Variants in JMJD1C observed in about 807,000 individuals in gnomAD.
JMJD1C encodes the protein jumonji domain containing 1C, also known as jumonji domain-containing protein 1C.
Under a neutral mutation model 245.3 loss-of-function variants are expected in JMJD1C, and 31 were observed. That is an observed-to-expected ratio of 0.13 (90% CI 0.09 to 0.17). JMJD1C has a LOEUF of 0.17. Ranked by LOEUF, JMJD1C falls within the 10% of genes least tolerant of loss-of-function variation. The probability of loss-of-function intolerance (pLI) is 1.00; values close to 1 mark genes in which losing one functional copy is unlikely to be tolerated. For synonymous variants in JMJD1C, 1,057 were observed against 1,017.4 expected (o/e 1.04, Z -0.74); for missense variants, 2,691 against 3,000.2 (o/e 0.90, Z 2.41).
Position 63,211,820 on chromosome 10 carries a change from T to C in JMJD1C, c.2694+1653A>G, listed in dbSNP as rs530282234. The stretch of plus-strand genomic sequence containing the variant: ...GCTTGGGTGACAGAGCAAGACTCTG[T>C]CTCAAAAAAAAAAAAAAAAAAAAAA... On this transcript the variant is annotated intron_variant, in intron 8 of 25. Coordinates refer to ENST00000399262, the MANE Select transcript of JMJD1C (RefSeq NM_032776.3). Among the ~76,000 whole-genome samples, 6 of 83,862 alleles carry C rather than the reference T, an allele frequency of 7.2e-5. No homozygotes were observed. The South Asian group carries it at 2.3e-3, about 32-fold the overall frequency. The allele number at this position is 83,862 out of a possible 152,430, so 55.0% of individuals were successfully genotyped here. A position where few individuals can be genotyped will look rare whatever the true frequency, so the allele number is the denominator to read the frequency against.
rs1484780948 is a variant in JMJD1C at position 63,186,403 on chromosome 10, A to G, written c.6571-20T>C. On this transcript the variant is annotated intron_variant, in intron 18 of 25. Transcript: ENST00000399262. ...TGCAGGCTTATAAATAGATAAATAA[A>G]TAACAGTTAAAAGATATATAGACTT... 9 of 1,554,618 alleles carry G rather than the reference A, an allele frequency of 5.8e-6. No homozygotes were observed. The highest frequency in any genetic ancestry group is 2.8e-5 in the African/African-American group (2 of 72,286).
intron 17 of JMJD1C, among the ~76,000 whole-genome samples, 160 bp downstream of exon 17, chr10:63,190,734 C>T (rs141807603): frequency 6.2e-4 from 95 of 152,308 alleles, no homozygotes; most frequent in African/African-American, 2.1e-3. Flanking sequence ...AAAATGCCAG[C>T]TTTCAAGGTA....
At chr10:63,184,225 A>T in intron 21 of JMJD1C, among the ~76,000 whole-genome samples, 1 of 146,926 alleles carries the variant, frequency 6.8e-6, no homozygotes, top group East Asian at 2.0e-4. Context: ...CACCACGCCC[A>T]TCCTTGAACA....
intron 1 of JMJD1C, among the ~76,000 whole-genome samples, chr10:63,395,588 A>T (rs182987667): frequency 2.0e-5 from 3 of 152,362 alleles, no homozygotes; most frequent in Admixed American, 1.3e-4. Context: ...ACTTAAGAAA[A>T]GTAATTCCAT....
chr10:63,172,799 T>C (rs1228433651), intron 24 of JMJD1C, among the ~76,000 whole-genome samples: 1 of 149,184 alleles, frequency 6.7e-6, no homozygotes, highest in Non-Finnish European at 1.5e-5. Flanking sequence ...GCAAAAAAGA[T>C]TAAGAAGCAC....
At chr10:63,223,568 A>C (rs887068053) in intron 3 of JMJD1C, among the ~76,000 whole-genome samples, 2 of 152,104 alleles carry the variant, frequency 1.3e-5, no homozygotes, top group African/African-American at 4.8e-5. Flanking sequence ...CCGTGCAGAC[A>C]AGTACACCTT....
intron 24 of JMJD1C, among the ~76,000 whole-genome samples, chr10:63,172,434 A>G (rs911185318): frequency 6.6e-6 from 1 of 152,198 alleles, no homozygotes; most frequent in South Asian, 2.1e-4. Context: ...GTGCAAAAAC[A>G]TGTTGTTACT....
At chr10:63,385,137 G>GAACACT in intron 1 of JMJD1C, among the ~76,000 whole-genome samples, 1 of 152,234 alleles carries the variant, frequency 6.6e-6, no homozygotes, top group East Asian at 1.9e-4. Context: ...CTGGTTAGTG[G>GAACACT]AGCAGTCAGA....
chr10:63,472,622 G>A (rs1461945310), intron 1 of JMJD1C, among the ~76,000 whole-genome samples: 4 of 152,052 alleles, frequency 2.6e-5, no homozygotes, highest in African/African-American at 9.7e-5. Context: ...ATGAGCCACT[G>A]CGCCCCGCCC....
intron 2 of JMJD1C, among the ~76,000 whole-genome samples, chr10:63,322,905 A>G (rs1405307291): frequency 6.6e-6 from 1 of 151,426 alleles, no homozygotes; most frequent in African/African-American, 2.4e-5. Context: ...TAATGTAATT[A>G]ATATATATTG....
intron 2 of JMJD1C, among the ~76,000 whole-genome samples, chr10:63,279,246 G>C (rs950064096): frequency 1.3e-5 from 2 of 152,044 alleles, no homozygotes; most frequent in Non-Finnish European, 2.9e-5. Context: ...CAAAAACGTG[G>C]TCTCGAAACA....
chr10:63,495,667 G>A (rs1474703132), intron 1 of JMJD1C, among the ~76,000 whole-genome samples: 1 of 151,590 alleles, frequency 6.6e-6, no homozygotes, highest in East Asian at 1.9e-4. Context: ...CAGCTACGTG[G>A]GAGGCTGAGA....
chr10:63,318,099 A>C (rs912759298), intron 2 of JMJD1C, among the ~76,000 whole-genome samples: 9 of 152,102 alleles, frequency 5.9e-5, no homozygotes, highest in African/African-American at 1.9e-4. Flanking sequence ...CCTCTGCCTC[A>C]AGTTCAGGTA....
chr10:63,484,550 T>G (rs1371498888), intron 1 of JMJD1C, among the ~76,000 whole-genome samples: 1 of 152,048 alleles, frequency 6.6e-6, no homozygotes, highest in Non-Finnish European at 1.5e-5. Context: ...GTAGCTGAAC[T>G]TGAGATTTTG....
rs1857427144 is a variant in JMJD1C, at chr10:63,281,712, T to A, written c.334-16948A>T. Among the ~76,000 whole-genome samples the A allele has an allele frequency of 2.0e-5, 3 of 151,444 alleles. No individual in the cohort carries two copies. In the South Asian group the frequency reaches 6.3e-4, roughly 32 times the overall value. ...GTCTCGATCTCCTGACCTCGTGATC[T>A]ACCACCTCGGCCTTCCAAAGTGCTG... On this transcript the variant is annotated intron_variant, in intron 2 of 25. Coordinates refer to ENST00000399262, the MANE Select transcript of JMJD1C (RefSeq NM_032776.3).
At chr10:63,399,719 C>A (rs1403971832) in intron 1 of JMJD1C, among the ~76,000 whole-genome samples, 1 of 151,454 alleles carries the variant, frequency 6.6e-6, no homozygotes, top group Non-Finnish European at 1.5e-5. Flanking sequence ...AAAATAGTTT[C>A]TTCCTATGGT....
chr10:63,520,672 A>C (rs1372276063), intron 1 of JMJD1C, among the ~76,000 whole-genome samples: 1 of 152,184 alleles, frequency 6.6e-6, no homozygotes, highest in Non-Finnish European at 1.5e-5. Context: ...CCCAGCCTTT[A>C]CTTTGAACAT....
intron 2 of JMJD1C, among the ~76,000 whole-genome samples, chr10:63,365,579 T>C (rs1000648207): frequency 1.3e-5 from 2 of 152,106 alleles, no homozygotes; most frequent in Admixed American, 1.3e-4. Context: ...GATTCAATAA[T>C]TGGCAAGGTA....
At chr10:63,250,455 G>A (rs373237098) in intron 3 of JMJD1C, among the ~76,000 whole-genome samples, 2 of 152,046 alleles carry the variant, frequency 1.3e-5, no homozygotes, top group African/African-American at 4.8e-5. Context: ...GCTGGTAGTG[G>A]GTATCACTAA....
Sources: allele counts gnomAD v4.1 joint callset (sites outside exome capture counted in the v4.1 genomes callset), GRCh38; gene constraint gnomAD v4.1.1; transcripts MANE v1.5; gene names NCBI Gene and HGNC (gene_info 2026-07-23, HGNC 2026-07-21).